SPARCL1: variants seen among roughly 807,000 people sequenced by gnomAD.
SPARCL1 encodes the protein SPARC like 1, also known as SPARC-like protein 1.
In SPARCL1, 52 loss-of-function variants were observed where a neutral mutation model predicts 67.1. The ratio of observed to expected loss-of-function variants is 0.78; its 90% CI spans 0.62 to 0.98. The LOEUF is 0.98. SPARCL1 is among the 50% of genes least tolerant of loss of function. SPARCL1 has a pLI of 0.00. For missense variants in SPARCL1, 717 were observed against 782.4 expected, an observed-to-expected ratio of 0.92 and a Z score of 1.00; for synonymous variants, 226 against 267.8, an observed-to-expected ratio of 0.84 and a Z score of 1.52.
At chr4:87,513,459 C>T (rs1725458475) in intron 1 of SPARCL1, among the ~76,000 whole-genome samples, 1 of 152,150 alleles carries the variant, frequency 6.6e-6, no homozygotes, top group African/African-American at 2.4e-5. Context: ...TAAATACTAC[C>T]TTGAACAAAT....
intron 9 of SPARCL1, 97 bp downstream of exon 9, chr4:87,480,275 A>G: frequency 9.0e-7 from 1 of 1,108,678 alleles, no homozygotes; most frequent in Non-Finnish European, 1.2e-6. Flanking sequence ...TGGAACTGGG[A>G]AATGTCCTAA....
intron 1 of SPARCL1, among the ~76,000 whole-genome samples, chr4:87,527,028 G>A (rs1352936075): frequency 6.6e-6 from 1 of 152,140 alleles, no homozygotes; most frequent in East Asian, 1.9e-4. Context: ...TATATAAACA[G>A]GGTCCATATG....
intron 8 of SPARCL1, 119 bp from the exon 9 acceptor site, chr4:87,480,639 C>T (rs377030462): frequency 1.2e-6 from 1 of 849,420 alleles, no homozygotes. Context: ...AAGCTCAGGA[C>T]ATCATGTGCA....
In SPARCL1 at chr4:87,480,422, C is replaced by T; in HGVS notation, c.1767G>A (p.Val589=). 6.2e-7 allele frequency: 1 copy of T among 1,612,942 alleles called. No individual in the cohort carries two copies. Among genetic ancestry groups the T allele is most frequent in the Non-Finnish European group, 8.5e-7 (1 of 1,179,422 alleles). Reference sequence around the variant, plus strand: ...CACTAAACTGCCAGTGCACAGGATACACATACATGTGGTAGTTTTTCTTAA... The same window carrying T: ...CACTAAACTGCCAGTGCACAGGATATACATACATGTGGTAGTTTTTCTTAA... ...RDFKKNYHMY[V]YPVHWQFSEL... The change falls in exon 9 of 11, where the codon GTG becomes GTA. Residue 589 remains valine, a synonymous_variant. Coordinates refer to ENST00000282470, the MANE Select transcript of SPARCL1 (RefSeq NM_004684.6).
intron 1 of SPARCL1, among the ~76,000 whole-genome samples, chr4:87,506,778 CTATCATCT>C (rs1259047305): frequency 1.9e-4 from 9 of 46,940 alleles, no homozygotes; most frequent in Admixed American, 5.0e-4. Context: ...CTCTATCTAT[CTATCATCT>C]ATCTATCTAT....
In SPARCL1 at chr4:87,490,776, G is replaced by T. The variant is rs1724291394; in HGVS notation, c.1394C>A (p.Thr465Lys). 1 of 1,608,172 alleles carries T rather than the reference G, an allele frequency of 6.2e-7. No individual in the cohort carries two copies. Among genetic ancestry groups the T allele is most frequent in the African/African-American group, 1.3e-5 (1 of 74,720 alleles). Residue 465 changes from threonine (T) to lysine (K), a missense_variant, in exon 6 of 11, where the codon ACA (threonine) becomes AAA (lysine). By Grantham distance (78) the Thr-to-Lys change is moderately conservative. Coordinates refer to ENST00000282470, the MANE Select transcript of SPARCL1 (RefSeq NM_004684.6). ...AATACTTACTTGATCAAGGGGTTTT[G>T]TTGGAGGACAAGTCACTGGATCCTG... Reference protein sequence around the residue: ...VCQDPVTCPPTKPLDQVCGTD... With the variant: ...VCQDPVTCPPKKPLDQVCGTD...
At chr4:87,498,896 C>T (rs1037676773) in intron 2 of SPARCL1, among the ~76,000 whole-genome samples, 5 of 148,118 alleles carry the variant, frequency 3.4e-5, no homozygotes, top group Admixed American at 6.8e-5. Flanking sequence ...TTTTTTCAGA[C>T]GGAGTCTCAC....
At chr4:87,522,408 T>C (rs773283334) in intron 1 of SPARCL1, among the ~76,000 whole-genome samples, 9 of 151,746 alleles carry the variant, frequency 5.9e-5, no homozygotes, top group Non-Finnish European at 1.0e-4. Flanking sequence ...ATCCAGACGT[T>C]AAAAGTATAC....
Position 87,482,163 on chromosome 4 carries a change from A to G in SPARCL1, c.1668+261T>C, listed in dbSNP as rs534504910. Among the ~76,000 whole-genome samples the G allele has an allele frequency of 3.6e-4, 55 of 152,366 alleles. 1 individual carries two copies. In the South Asian group the frequency reaches 0.011, roughly 31 times the overall value. ...AAATTTATATTAACTTTGCTCAACC[A>G]GAGCTTGCTCTAGGTAGGAATTGAA... On this transcript the variant is annotated intron_variant, in intron 8 of 10. Transcript: ENST00000282470.
chr4:87,493,072 A>G (rs1724425165), intron 4 of SPARCL1, among the ~76,000 whole-genome samples: 1 of 152,198 alleles, frequency 6.6e-6, no homozygotes, highest in African/African-American at 2.4e-5. Flanking sequence ...GTCATAATTT[A>G]TCATTCCAGC....
At chr4:87,496,607 AT>A (rs1195779089) in intron 2 of SPARCL1, among the ~76,000 whole-genome samples, 1 of 152,218 alleles carries the variant, frequency 6.6e-6, no homozygotes, top group Admixed American at 6.5e-5. Context: ...TGTATAAAAA[AT>A]ATGTTATAAA....
chr4:87,480,624 A>C (rs928847719), intron 8 of SPARCL1, 104 bp from the exon 9 acceptor site: 8 of 1,073,392 alleles, frequency 7.5e-6, no homozygotes, highest in Admixed American at 2.5e-5. Flanking sequence ...ACGATAGGGG[A>C]AAACAAGCTC....
intron 6 of SPARCL1, 118 bp from the exon 7 acceptor site, chr4:87,490,511 T>C (rs1372600251): frequency 2.5e-6 from 3 of 1,201,776 alleles, no homozygotes; most frequent in Non-Finnish European, 3.5e-6. Context: ...GTCAGGTAGG[T>C]GAGACTATTA....
At position 87,495,051 on chromosome 4, in the gene SPARCL1, C is replaced by G; in HGVS notation, c.131G>C (p.Ser44Thr). Residue 44 changes from serine (S) to threonine (T), a missense_variant, in exon 3 of 11, where the codon AGT becomes ACT. Transcript: ENST00000282470. ...TVAPDNTAIP[S>T]LRAEAEENEK... ...ATTTTCTTCAGCTTCAGCCCTTAAA[C>G]TGGGGATTGCAGTGTTGTCAGGTGC... The G allele has an allele frequency of 6.2e-7, 1 of 1,613,058 alleles. No homozygotes were observed. Among genetic ancestry groups the G allele is most frequent in the Non-Finnish European group, 8.5e-7 (1 of 1,179,578 alleles).
At chr4:87,478,168 C>T (rs937814622) in intron 10 of SPARCL1, among the ~76,000 whole-genome samples, 3 of 152,108 alleles carry the variant, frequency 2.0e-5, no homozygotes, top group African/African-American at 4.8e-5. Flanking sequence ...ATATTGTAAA[C>T]ATGAATGAAA....
intron 1 of SPARCL1, among the ~76,000 whole-genome samples, chr4:87,500,579 A>G (rs540190274): frequency 1.3e-5 from 2 of 152,288 alleles, no homozygotes; most frequent in African/African-American, 4.8e-5. Context: ...GAAATACTAG[A>G]TGACTCCTTT....
chr4:87,519,032 G>C (rs1324785895), intron 1 of SPARCL1, among the ~76,000 whole-genome samples: 1 of 151,144 alleles, frequency 6.6e-6, no homozygotes, highest in Non-Finnish European at 1.5e-5. Flanking sequence ...CAATTCTTCT[G>C]ATTTTTGTAT....
rs538260350 is a variant in SPARCL1 at position 87,511,463 on chromosome 4, G to A, written c.-11-11878C>T. Among the ~76,000 whole-genome samples the A allele has an allele frequency of 8.5e-5, 13 of 152,272 alleles. No individual in the cohort carries two copies. The South Asian group carries it at 2.7e-3, about 32-fold the overall frequency. Reference sequence around the variant, plus strand: ...AGATACTTGGGTAGATAGGTCTGGAGGTAAGCATGGAGTTTGGGGTTACAG... The same window carrying A: ...AGATACTTGGGTAGATAGGTCTGGAAGTAAGCATGGAGTTTGGGGTTACAG... On this transcript the variant is annotated intron_variant, in intron 1 of 10. Coordinates refer to ENST00000282470, the MANE Select transcript of SPARCL1 (RefSeq NM_004684.6).
At chr4:87,528,263 T>C (rs553432309) in intron 1 of SPARCL1, 7 of 152,264 alleles carry the variant, frequency 4.6e-5, no homozygotes, top group African/African-American at 1.7e-4. Flanking sequence ...ACAACCTACA[T>C]TATTGCTTTA....
Sources: allele counts gnomAD v4.1 joint callset (sites outside exome capture counted in the v4.1 genomes callset), GRCh38; gene constraint gnomAD v4.1.1; transcripts MANE v1.5; gene names NCBI Gene and HGNC (gene_info 2026-07-23, HGNC 2026-07-21).